Variants in CNBD1 observed in about 807,000 individuals in gnomAD.
The protein encoded by CNBD1 is cyclic nucleotide binding domain containing 1, also known as cyclic nucleotide-binding domain-containing protein 1.
In CNBD1, 71 loss-of-function variants were observed where a neutral mutation model predicts 54.4. The observed-to-expected ratio is 1.30, with a 90% CI of 1.08 to 1.59. The LOEUF (loss-of-function observed/expected upper bound fraction) is 1.59, where lower values mean the gene tolerates loss of function less well. Among genes scored for constraint, CNBD1 ranks in the 40% most tolerant of loss-of-function variants. The probability of loss-of-function intolerance (pLI) is 0.00; values close to 1 mark genes in which losing one functional copy is unlikely to be tolerated. For missense variants in CNBD1, 659 were observed against 518.0 expected, an observed-to-expected ratio of 1.27 and a Z score of -2.64; for synonymous variants, 182 against 170.7, an observed-to-expected ratio of 1.07 and a Z score of -0.51.
intron 6 of CNBD1, among the ~76,000 whole-genome samples, chr8:87,262,759 T>G (rs1325388899): frequency 6.6e-6 from 1 of 152,182 alleles, no homozygotes; most frequent in Non-Finnish European, 1.5e-5. Flanking sequence ...CCAAAAAATA[T>G]AAACACTTTA....
At chr8:87,138,127 GTTTT>G (rs1354750708) in intron 4 of CNBD1, among the ~76,000 whole-genome samples, 1 of 152,104 alleles carries the variant, frequency 6.6e-6, no homozygotes, top group East Asian at 1.9e-4. Flanking sequence ...CAAAAGTCCT[GTTTT>G]TCTTGGTCTC....
chr8:86,978,530 T>C (rs1228345491), intron 4 of CNBD1, among the ~76,000 whole-genome samples: 1 of 138,246 alleles, frequency 7.2e-6, no homozygotes, highest in Non-Finnish European at 1.5e-5. Flanking sequence ...GGACATGCTT[T>C]TATCTTTTTT....
At chr8:87,225,849 A>C (rs369562570) in intron 5 of CNBD1, among the ~76,000 whole-genome samples, 2 of 140,956 alleles carry the variant, frequency 1.4e-5, no homozygotes, top group Admixed American at 6.9e-5. Flanking sequence ...GGTAGAATTC[A>C]GCTGTGAATC....
intron 10 of CNBD1, among the ~76,000 whole-genome samples, chr8:87,381,564 A>T (rs1356109810): frequency 6.6e-6 from 1 of 152,096 alleles, no homozygotes; most frequent in Non-Finnish European, 1.5e-5. Flanking sequence ...TCAAAGAGAT[A>T]TTAGCAGTAC....
chr8:87,357,239 G>T (rs1810437469), intron 10 of CNBD1, among the ~76,000 whole-genome samples: 1 of 152,050 alleles, frequency 6.6e-6, no homozygotes, highest in South Asian at 2.1e-4. Context: ...GTCCCCATTG[G>T]GGCACTGCCT....
chr8:86,884,212 C>T (rs1808648460), intron 1 of CNBD1, among the ~76,000 whole-genome samples: 1 of 152,020 alleles, frequency 6.6e-6, no homozygotes, highest in Non-Finnish European at 1.5e-5. Context: ...CATGTGTCCC[C>T]ACCACTCCCC....
At chr8:87,267,650 ATAAG>A (rs1377720257) in intron 6 of CNBD1, among the ~76,000 whole-genome samples, 4 of 152,302 alleles carry the variant, frequency 2.6e-5, no homozygotes, top group South Asian at 2.1e-4. Flanking sequence ...AAAAGAATGA[ATAAG>A]TAATTTGAGT....
chr8:87,373,827 A>T lies in CNBD1; in HGVS notation c.1304-8793A>T, dbSNP rs1810869439. On this transcript the variant is annotated intron_variant, in intron 10 of 10. Transcript: ENST00000518476. ...CAGGCCAAGTTTCTGTGTAAACCTT[A>T]AACTTCAATATTTTTAGATAGAACC... Among the ~76,000 whole-genome samples, 4 of 151,860 alleles carry T rather than the reference A, an allele frequency of 2.6e-5. No individual in the cohort carries two copies. In the South Asian group the frequency reaches 8.3e-4, roughly 31 times the overall value.
chr8:87,291,872 A>G (rs915969266), intron 8 of CNBD1, among the ~76,000 whole-genome samples: 16 of 152,154 alleles, frequency 1.1e-4, no homozygotes, highest in African/African-American at 3.9e-4. Context: ...ATTTCTTTGG[A>G]ATGGAACCAT....
intron 8 of CNBD1, among the ~76,000 whole-genome samples, chr8:87,347,468 TATAA>T (rs1810197119): frequency 6.7e-6 from 1 of 148,618 alleles, no homozygotes; most frequent in Admixed American, 6.7e-5. Context: ...ATACAATAAG[TATAA>T]GCAATAAACA....
intron 8 of CNBD1, among the ~76,000 whole-genome samples, chr8:87,341,619 C>T (rs1810065304): frequency 1.3e-5 from 2 of 152,282 alleles, no homozygotes; most frequent in Middle Eastern, 6.8e-3. Flanking sequence ...GAGGGCTCCA[C>T]CCTCTTTGAT....
chr8:87,216,974 A>G (rs906839554), intron 5 of CNBD1, among the ~76,000 whole-genome samples: 2 of 152,144 alleles, frequency 1.3e-5, no homozygotes, highest in African/African-American at 2.4e-5. Flanking sequence ...ACAGTCTTGC[A>G]TGGTGATGCT....
At chr8:87,092,218 G>A (rs780696757) in intron 4 of CNBD1, among the ~76,000 whole-genome samples, 11 of 151,994 alleles carry the variant, frequency 7.2e-5, no homozygotes, top group Admixed American at 2.0e-4. Flanking sequence ...TCCAGTAATA[G>A]GGAAGTTCTT....
At chr8:87,116,195 C>CTTTTTTTTTTTTTTTT (rs71556428) in intron 4 of CNBD1, among the ~76,000 whole-genome samples, 1 of 74,528 alleles carries the variant, frequency 1.3e-5, no homozygotes, top group African/African-American at 5.7e-5. Flanking sequence ...ATTCTCATGT[C>CTTTTTTTTTTTTTTTT]TTTTTTTTTT....
rs114328469 is a variant in CNBD1, at chr8:87,342,684, C to T, written c.1043-9001C>T. Among the ~76,000 whole-genome samples, 1,167 of 152,070 alleles carry T rather than the reference C, an allele frequency of 7.7e-3. 16 individuals are homozygous for T. Among genetic ancestry groups the T allele is most frequent in the African/African-American group, 0.027 (1,100 of 41,472 alleles). On this transcript the variant is annotated intron_variant, in intron 8 of 10. Coordinates refer to ENST00000518476, the MANE Select transcript of CNBD1 (RefSeq NM_173538.3). ...TCACATATTGGTAGGGCCGTGATGG[C>T]GACCTCGAGCTACAAAATCAGCAGG...
At chr8:86,990,567 A>C (rs907785251) in intron 4 of CNBD1, among the ~76,000 whole-genome samples, 17 of 152,184 alleles carry the variant, frequency 1.1e-4, no homozygotes, top group African/African-American at 4.1e-4. Flanking sequence ...CTTTTATGCC[A>C]GTACCAGGCT....
intron 6 of CNBD1, among the ~76,000 whole-genome samples, chr8:87,281,571 T>TGTAACTA (rs1808601425): frequency 6.1e-5 from 3 of 49,150 alleles, no homozygotes; most frequent in African/African-American, 1.5e-4. Flanking sequence ...TATATATATA[T>TGTAACTA]ATATATATAT....
intron 4 of CNBD1, among the ~76,000 whole-genome samples, chr8:86,993,748 G>C (rs1287663150): frequency 1.3e-5 from 2 of 152,194 alleles, no homozygotes; most frequent in Non-Finnish European, 2.9e-5. Flanking sequence ...TGCAGCTTGG[G>C]CTGTGATCCA....
At chr8:87,050,618 G>T (rs973498667) in intron 4 of CNBD1, among the ~76,000 whole-genome samples, 6 of 152,192 alleles carry the variant, frequency 3.9e-5, no homozygotes, top group Middle Eastern at 3.2e-3. Context: ...GAGTCAGGGT[G>T]CAACTAAATG....
Sources: gnomAD v4.1 joint callset for allele counts (sites outside exome capture counted in the v4.1 genomes callset) on GRCh38, gnomAD v4.1.1 for gene constraint, MANE v1.5 for transcripts, NCBI Gene and HGNC (gene_info 2026-07-23, HGNC 2026-07-21) for gene names.